ADAM32: variants seen among roughly 807,000 people sequenced by gnomAD.
The protein encoded by ADAM32 is ADAM metallopeptidase domain 32.
In ADAM32, 89 loss-of-function variants were observed where a neutral mutation model predicts 114.9. That is an observed-to-expected ratio of 0.77 (90% CI 0.65 to 0.92). The LOEUF is 0.92. ADAM32 is among the 40% of genes least tolerant of loss of function. The pLI is 0.00. For missense variants in ADAM32, 870 were observed against 932.8 expected, an observed-to-expected ratio of 0.93 and a Z score of 0.88; for synonymous variants, 285 against 307.5, an observed-to-expected ratio of 0.93 and a Z score of 0.77.
chr8:39,258,296 G>T (rs973829325), intron 19 of ADAM32, among the ~76,000 whole-genome samples: 2 of 151,156 alleles, frequency 1.3e-5, no homozygotes, highest in African/African-American at 4.9e-5. Flanking sequence ...TTGCTCTGTT[G>T]TAACTCTAGA....
intron 6 of ADAM32, among the ~76,000 whole-genome samples, chr8:39,160,400 CG>C (rs1804424710): frequency 6.6e-6 from 1 of 151,992 alleles, no homozygotes; most frequent in South Asian, 2.1e-4. Flanking sequence ...ATTAGCCCGG[CG>C]TGGTGGCAGG....
intron 23 of ADAM32, among the ~76,000 whole-genome samples, chr8:39,281,903 A>C (rs1306376712): frequency 6.6e-6 from 1 of 152,146 alleles, no homozygotes; most frequent in Non-Finnish European, 1.5e-5. Flanking sequence ...ACACAGATTA[A>C]ATTTTCTAGG....
intron 1 of ADAM32, among the ~76,000 whole-genome samples, chr8:39,109,864 A>G (rs942106450): frequency 1.3e-5 from 2 of 152,176 alleles, no homozygotes; most frequent in African/African-American, 2.4e-5. Context: ...TCACTGCCCT[A>G]CAAATCCCAT....
chr8:39,157,633 G>T, intron 6 of ADAM32: 1 of 600,094 alleles, frequency 1.7e-6, no homozygotes, highest in Non-Finnish European at 3.1e-6. Flanking sequence ...CAAATTTAAA[G>T]GTAGTGTCAA....
At chr8:39,204,278 G>A (rs1287460331) in intron 11 of ADAM32, among the ~76,000 whole-genome samples, 4 of 152,296 alleles carry the variant, frequency 2.6e-5, no homozygotes, top group East Asian at 1.9e-4. Flanking sequence ...CCAATCAGAC[G>A]TAGATTTGGT....
chr8:39,181,763 TGTGCTGGCTG>T (rs1407728531), intron 10 of ADAM32, among the ~76,000 whole-genome samples: 3 of 152,210 alleles, frequency 2.0e-5, no homozygotes, highest in Non-Finnish European at 4.4e-5. Context: ...ATGAGTTAGA[TGTGCTGGCTG>T]GTTCATGAAT....
intron 11 of ADAM32, among the ~76,000 whole-genome samples, chr8:39,209,113 C>A (rs1808044500): frequency 6.6e-6 from 1 of 152,112 alleles, no homozygotes; most frequent in Non-Finnish European, 1.5e-5. Context: ...CTTTGAAGGT[C>A]AATGACTTGT....
intron 2 of ADAM32, among the ~76,000 whole-genome samples, chr8:39,128,830 T>C (rs1440066126): frequency 6.6e-6 from 1 of 152,204 alleles, no homozygotes; most frequent in Non-Finnish European, 1.5e-5. Context: ...TATAAGAATG[T>C]TGAATATTGG....
intron 10 of ADAM32, among the ~76,000 whole-genome samples, chr8:39,184,361 A>G (rs1461515557): frequency 6.6e-6 from 1 of 152,206 alleles, no homozygotes. Context: ...AGCAGACAAT[A>G]TGTGCTAGTA....
chr8:39,170,550 T>TA (rs1805124393), intron 10 of ADAM32, among the ~76,000 whole-genome samples: 1 of 151,974 alleles, frequency 6.6e-6, no homozygotes, highest in Non-Finnish European at 1.5e-5. Flanking sequence ...TACTCATTTT[T>TA]AAAAAAACAA....
chr8:39,274,337 A>ACATAT lies in ADAM32; in HGVS notation c.2228_2232dup (p.Ala745HisfsTer?). The ACATAT allele has an allele frequency of 6.2e-7, 1 of 1,613,426 alleles. No individual in the cohort carries two copies. Among genetic ancestry groups the ACATAT allele is most frequent in the Non-Finnish European group, 8.5e-7 (1 of 1,179,622 alleles). On this transcript the variant is annotated frameshift_variant, in exon 21 of 25. Transcript: ENST00000379907. LOFTEE classifies it high-confidence loss of function. ...ATCCAGCTCAGAAGGCAGCACTCAG[A>ACATAT]CATATGCCAGCCAGTAAGTAGGTTA...
chr8:39,261,165 C>T (rs1051602376), intron 19 of ADAM32, among the ~76,000 whole-genome samples: 1 of 152,014 alleles, frequency 6.6e-6, no homozygotes, highest in Non-Finnish European at 1.5e-5. Context: ...GAACTTTTTT[C>T]GCATATCTCG....
chr8:39,160,566 A>C (rs968068774), intron 6 of ADAM32, among the ~76,000 whole-genome samples: 5 of 144,828 alleles, frequency 3.5e-5, no homozygotes, highest in Admixed American at 7.0e-5. Context: ...AAAAAAAAAA[A>C]AAAATCCTCC....
chr8:39,271,941 G>A lies in ADAM32; in HGVS notation c.2201+1027G>A, dbSNP rs551403808. Among the ~76,000 whole-genome samples the A allele has an allele frequency of 1.3e-4, 19 of 151,836 alleles. No individual in the cohort carries two copies. The South Asian group carries it at 3.7e-3, about 30-fold the overall frequency. ...GCCTGTAATCCCAGCACTTTAGGAG[G>A]CTGAGGTGTGAGGAGCACCTGAAAA... is the stretch of plus-strand genomic sequence containing the variant. On this transcript the variant is annotated intron_variant, in intron 20 of 24. Transcript: ENST00000379907.
intron 20 of ADAM32, among the ~76,000 whole-genome samples, chr8:39,271,421 G>A (rs1397210275): frequency 7.0e-6 from 1 of 142,946 alleles, no homozygotes; most frequent in African/African-American, 2.6e-5. Flanking sequence ...AGCAAAATAT[G>A]CAGAATTCTC....
intron 2 of ADAM32, among the ~76,000 whole-genome samples, chr8:39,118,588 T>C (rs1426383374): frequency 6.6e-6 from 1 of 152,144 alleles, no homozygotes; most frequent in East Asian, 1.9e-4. Flanking sequence ...GAAAGGGAAA[T>C]ACTTTATTTT....
At position 39,196,637 on chromosome 8, in the gene ADAM32, T is replaced by C. The variant is rs1807019041; in HGVS notation, c.1052+9592T>C. Among the ~76,000 whole-genome samples the C allele has an allele frequency of 2.0e-5, 3 of 152,188 alleles. No homozygotes were observed. The South Asian group carries it at 6.2e-4, about 31-fold the overall frequency. On this transcript the variant is annotated intron_variant, in intron 11 of 24. Coordinates refer to ENST00000379907, the MANE Select transcript of ADAM32 (RefSeq NM_145004.7). ...TTCTGTTGATGTGATGTATCATATT[T>C]ACTAATTCATATATGTTAAACCATC...
chr8:39,179,203 T>C lies in ADAM32; in HGVS notation c.916-7706T>C, dbSNP rs1042208644. On this transcript the variant is annotated intron_variant, in intron 10 of 24. Coordinates refer to ENST00000379907, the MANE Select transcript of ADAM32 (RefSeq NM_145004.7). ...TCATCCCAGAGAGAGATCAGAGTTC[T>C]GGTCTGGACTACCTGGAGTCTCCAG... Among the ~76,000 whole-genome samples the C allele has an allele frequency of 5.9e-5, 9 of 152,190 alleles. No homozygotes were observed. In the South Asian group the frequency reaches 1.0e-3, roughly 18 times the overall value.
intron 1 of ADAM32, among the ~76,000 whole-genome samples, chr8:39,111,177 G>A (rs763096256): frequency 1.3e-5 from 2 of 152,146 alleles, no homozygotes; most frequent in Non-Finnish European, 2.9e-5. Context: ...ACTTTTGGCT[G>A]TTAGGAGTAA....
Sources: gnomAD v4.1 joint callset for allele counts (sites outside exome capture counted in the v4.1 genomes callset) on GRCh38, gnomAD v4.1.1 for gene constraint, MANE v1.5 for transcripts, NCBI Gene and HGNC (gene_info 2026-07-23, HGNC 2026-07-21) for gene names.